The following ZNF385D variants were observed in gnomAD, a reference collection of about 807,000 sequenced individuals.
ZNF385D encodes zinc finger protein 385D.
In ZNF385D, 15 loss-of-function variants were observed where a neutral mutation model predicts 35.8. The ratio of observed to expected loss-of-function variants is 0.42; its 90% confidence interval spans 0.28 to 0.64. The LOEUF (loss-of-function observed/expected upper bound fraction) is 0.64. Ranked by LOEUF, ZNF385D falls within the 30% of genes least tolerant of loss-of-function variation. ZNF385D has a pLI of 0.23. For synonymous variants in ZNF385D, 212 were observed against 186.8 expected (o/e 1.13, Z -1.10); for missense variants, 474 against 494.6 (o/e 0.96, Z 0.39).
chr3:21,878,309 A>G (rs1483629850), intron 3 of ZNF385D, among the ~76,000 whole-genome samples: 7 of 152,000 alleles, frequency 4.6e-5, no homozygotes, highest in Non-Finnish European at 5.9e-5. Context: ...CTTAATTACT[A>G]TGAGATATTG....
intron 3 of ZNF385D, among the ~76,000 whole-genome samples, chr3:22,131,887 T>G (rs564056659): frequency 1.3e-5 from 2 of 152,142 alleles, no homozygotes; most frequent in Admixed American, 1.3e-4. Context: ...TATGATTATT[T>G]TGTAGCATTA....
rs1424396649 is a variant in ZNF385D, at chr3:22,186,569, A to G, written c.107-17534T>C. On this transcript the variant is annotated intron_variant, in intron 2 of 5. Coordinates refer to the ZNF385D transcript ENST00000494108. ...CTTTACCTGTCCTGATTTCATGACC[A>G]TCATGCAACCTTCTGATTTTGATCT... Among the ~76,000 whole-genome samples, 2 of 152,180 alleles carry G rather than the reference A, an allele frequency of 1.3e-5. 1 individual carries two copies. Among genetic ancestry groups the G allele is most frequent in the Non-Finnish European group, 2.9e-5 (2 of 68,022 alleles).
intron 2 of ZNF385D, among the ~76,000 whole-genome samples, chr3:22,211,923 G>C (rs1697549850): frequency 2.6e-5 from 4 of 151,986 alleles, no homozygotes; most frequent in Admixed American, 2.6e-4. Context: ...GGCTTTGACA[G>C]AAGATGCCTA....
intron 3 of ZNF385D, among the ~76,000 whole-genome samples, chr3:21,979,470 T>G (rs1181471753): frequency 6.6e-6 from 1 of 152,226 alleles, no homozygotes; most frequent in African/African-American, 2.4e-5. Context: ...TCAGTTACGC[T>G]GGCTCACAAT....
At chr3:21,817,231 C>A (rs1575707116) in intron 3 of ZNF385D, among the ~76,000 whole-genome samples, 1 of 152,146 alleles carries the variant, frequency 6.6e-6, no homozygotes. Context: ...CATAAAAACT[C>A]TAGAAGAAAA....
At chr3:22,128,263 C>G (rs1230011786) in intron 3 of ZNF385D, among the ~76,000 whole-genome samples, 2 of 152,122 alleles carry the variant, frequency 1.3e-5, no homozygotes, top group Non-Finnish European at 2.9e-5. Context: ...TGCATTGGAG[C>G]TCTTTTATGT....
chr3:21,980,502 T>C (rs960105355), intron 3 of ZNF385D, among the ~76,000 whole-genome samples: 2 of 152,178 alleles, frequency 1.3e-5, no homozygotes, highest in Non-Finnish European at 2.9e-5. Context: ...ACAACAACTC[T>C]TGGAATGAAC....
chr3:21,654,058 C>G (rs1449961138), intron 2 of ZNF385D, among the ~76,000 whole-genome samples: 1 of 151,798 alleles, frequency 6.6e-6, no homozygotes, highest in Non-Finnish European at 1.5e-5. Flanking sequence ...ATGCCCCAAT[C>G]TATTGTACAA....
intron 2 of ZNF385D, among the ~76,000 whole-genome samples, chr3:21,592,004 G>C (rs532689364): frequency 6.6e-6 from 1 of 151,980 alleles, no homozygotes. Context: ...CAATACTCCC[G>C]TTACTAGCAG....
chr3:21,779,297 T>G (rs1208574007), intron 3 of ZNF385D, among the ~76,000 whole-genome samples: 2 of 151,962 alleles, frequency 1.3e-5, no homozygotes, highest in Non-Finnish European at 2.9e-5. Flanking sequence ...TCTAACTCAG[T>G]GATCATAAGC....
At chr3:21,617,607 A>G (rs1293241141) in intron 2 of ZNF385D, among the ~76,000 whole-genome samples, 1 of 152,186 alleles carries the variant, frequency 6.6e-6, no homozygotes, top group Non-Finnish European at 1.5e-5. Flanking sequence ...CATGAAGTTA[A>G]GTATCTTGCC....
chr3:21,869,386 A>G (rs1223138805), intron 3 of ZNF385D, among the ~76,000 whole-genome samples: 1 of 152,090 alleles, frequency 6.6e-6, no homozygotes, highest in Non-Finnish European at 1.5e-5. Flanking sequence ...CAAACTTCAA[A>G]TGTAATATCT....
chr3:21,709,539 G>T (rs942501489), intron 1 of ZNF385D, among the ~76,000 whole-genome samples: 5 of 151,960 alleles, frequency 3.3e-5, no homozygotes, highest in Admixed American at 6.6e-5. Context: ...TAGCCTCCTT[G>T]TCTACTCTTA....
intron 2 of ZNF385D, among the ~76,000 whole-genome samples, chr3:22,194,073 A>G (rs1696241751): frequency 6.6e-6 from 1 of 151,940 alleles, no homozygotes; most frequent in Admixed American, 6.6e-5. Context: ...TCTTTATGCA[A>G]CTTATACTAC....
intron 3 of ZNF385D, among the ~76,000 whole-genome samples, chr3:21,972,418 C>T: frequency 6.6e-6 from 1 of 151,654 alleles, no homozygotes; most frequent in East Asian, 1.9e-4. Context: ...CAAAAACTTA[C>T]GGGACACAGC....
intron 4 of ZNF385D, among the ~76,000 whole-genome samples, chr3:21,444,885 A>G (rs1429481345): frequency 1.3e-5 from 2 of 152,214 alleles, no homozygotes; most frequent in African/African-American, 4.8e-5. Context: ...GACAGAGCAC[A>G]GTTGCAGAAG....
intron 2 of ZNF385D, among the ~76,000 whole-genome samples, chr3:22,177,500 TA>T (rs1694915327): frequency 6.6e-6 from 1 of 152,190 alleles, no homozygotes; most frequent in African/African-American, 2.4e-5. Context: ...CCACTTAGGA[TA>T]TTTGTACATC....
At chr3:21,853,813 T>C (rs943390724) in intron 3 of ZNF385D, among the ~76,000 whole-genome samples, 1 of 151,828 alleles carries the variant, frequency 6.6e-6, no homozygotes, top group Non-Finnish European at 1.5e-5. Context: ...TGTGATGTTA[T>C]TCATTAAAAT....
At chr3:22,127,317 CTTTTTTTTTTTTTTTTTTTTTTT>C (rs71044975) in intron 3 of ZNF385D, among the ~76,000 whole-genome samples, 865 of 56,326 alleles carry the variant, frequency 0.015, 11 homozygotes, top group African/African-American at 0.062. Flanking sequence ...TCATTTCCTG[CTTTTTTTTTTTTTTTTTTTTTTT>C]TTTTTTTTTT....
Sources: gnomAD v4.1 joint callset for allele counts (sites outside exome capture counted in the v4.1 genomes callset) on GRCh38, gnomAD v4.1.1 for gene constraint, MANE v1.5 for transcripts, NCBI Gene and HGNC (gene_info 2026-07-23, HGNC 2026-07-21) for gene names.